MDN1: variants seen among roughly 807,000 people sequenced by gnomAD.
MDN1 encodes midasin AAA ATPase 1.
MDN1 carries 266 observed loss-of-function variants against 669.2 expected under a neutral mutation model. The observed-to-expected ratio is 0.40, with a 90% CI of 0.36 to 0.44. The LOEUF is 0.44. Ranked by LOEUF, MDN1 falls within the 20% of genes least tolerant of loss-of-function variation. The pLI, the probability that MDN1 is intolerant of heterozygous loss-of-function variation, is 1.00. For synonymous variants in MDN1, 2,385 were observed against 2,457.1 expected (o/e 0.97, Z 0.87); for missense variants, 5,940 against 6,754.0 (o/e 0.88, Z 4.22).
intron 11 of MDN1, among the ~76,000 whole-genome samples, chr6:89,779,044 T>C (rs1477656638): frequency 1.3e-5 from 2 of 151,922 alleles, no homozygotes. Context: ...TTTATTTAAA[T>C]CTCCAGGTTA....
intron 33 of MDN1, among the ~76,000 whole-genome samples, chr6:89,734,470 T>A (rs1237132509): frequency 6.6e-6 from 1 of 152,008 alleles, no homozygotes; most frequent in Non-Finnish European, 1.5e-5. Context: ...CTGGCCAATA[T>A]GGCAAAACCC....
intron 43 of MDN1, among the ~76,000 whole-genome samples, chr6:89,717,184 A>G (rs1378515691): frequency 6.6e-6 from 1 of 152,256 alleles, no homozygotes; most frequent in African/African-American, 2.4e-5. Context: ...TATAATGAGC[A>G]TATCATATGA....
Position 89,790,997 on chromosome 6 carries a change from G to A in MDN1, c.856-596C>T, listed in dbSNP as rs999833252. Among the ~76,000 whole-genome samples, 3 of 152,096 alleles carry A rather than the reference G, an allele frequency of 2.0e-5. No homozygotes were observed. The East Asian group carries it at 5.8e-4, about 29-fold the overall frequency. ...AAGATCGTGCCACTGCACTCCAGCT[G>A]GGCAACAAGAGTGAAACTCCGCCTC... On this transcript the variant is annotated intron_variant, in intron 5 of 101. Coordinates refer to ENST00000369393, the MANE Select transcript of MDN1 (RefSeq NM_014611.3).
rs569761548 is a variant in MDN1 at position 89,730,731 on chromosome 6, G to A, written c.5135C>T (p.Pro1712Leu). 15 of 1,611,330 alleles carry A rather than the reference G, an allele frequency of 9.3e-6. No individual in the cohort carries two copies. In the South Asian group the frequency reaches 1.7e-4, roughly 18 times the overall value. ...TTTTTAAAAATCATTCTTACCCCTT[G>A]GTATAAAAAATGGATGAATTCCCCA... ...NLWGIHPFFIPRGPVLHRNNI... is the reference protein window; with the variant it reads ...NLWGIHPFFILRGPVLHRNNI... Residue 1712 changes from proline to leucine, a missense_variant, in exon 35 of 102, where the codon CCA becomes CTA. Around this residue, in one of 5 missense-constraint regions of MDN1, gnomAD observed 2,292 missense variants for 2,638.3 expected, o/e 0.87. Transcript: ENST00000369393.
intron 100 of MDN1, among the ~76,000 whole-genome samples, chr6:89,645,536 T>A (rs1234276313): frequency 6.6e-6 from 1 of 152,210 alleles, no homozygotes; most frequent in Non-Finnish European, 1.5e-5. Context: ...GAGAAGGGCA[T>A]TAGAAGAAAG....
In MDN1 at chr6:89,650,201, A is replaced by G. The variant is rs374572241; in HGVS notation, c.16032-3T>C. On this transcript the variant is annotated splice_polypyrimidine_tract_variant and splice_region_variant and intron_variant, in intron 96 of 101. Coordinates refer to ENST00000369393, the MANE Select transcript of MDN1 (RefSeq NM_014611.3). ...GTTTCCCAGTTCGATAGTCTCCTCTATTTATTCAAATGGGGGCAAAAATTA... is the reference window on the plus strand; with the variant it reads ...GTTTCCCAGTTCGATAGTCTCCTCTGTTTATTCAAATGGGGGCAAAAATTA... 13 of 1,605,002 alleles carry G rather than the reference A, an allele frequency of 8.1e-6. No homozygotes were observed. The highest frequency in any genetic ancestry group is 1.0e-5 in the Non-Finnish European group (12 of 1,175,908).
At chr6:89,771,483 G>T in intron 15 of MDN1, 78 bp downstream of exon 15, 1 of 1,281,966 alleles carries the variant, frequency 7.8e-7, no homozygotes, top group Non-Finnish European at 1.1e-6. Context: ...ACCTGTGGTT[G>T]TTAACACTAA....
Position 89,789,938 on chromosome 6 carries a change from T to C in MDN1, c.1099-27A>G, listed in dbSNP as rs774934524. ...TGCAGAAAGAAGATAAAGTAATTAC[T>C]GAAAAACCATACCTGTAGTGGCAAT... is the stretch of plus-strand genomic sequence containing the variant. On this transcript the variant is annotated intron_variant, in intron 6 of 101. Coordinates refer to ENST00000369393, the MANE Select transcript of MDN1 (RefSeq NM_014611.3). The C allele has an allele frequency of 5.6e-6, 9 of 1,605,674 alleles. No individual in the cohort carries two copies. In the South Asian group the frequency reaches 1.0e-4, roughly 18 times the overall value.
Position 89,794,562 on chromosome 6 carries a change from C to T in MDN1, c.554+15G>A. ...CCCCACACTAGAAGTGCAAAAAAGTCTAACAGCTACGCACCAGCGAACCAA... is the reference window on the plus strand; with the variant it reads ...CCCCACACTAGAAGTGCAAAAAAGTTTAACAGCTACGCACCAGCGAACCAA... On this transcript the variant is annotated intron_variant, in intron 3 of 101. Coordinates refer to ENST00000369393, the MANE Select transcript of MDN1 (RefSeq NM_014611.3). 6.2e-7 allele frequency: 1 copy of T among 1,611,696 alleles called. No homozygotes were observed. Among genetic ancestry groups the T allele is most frequent in the Non-Finnish European group, 8.5e-7 (1 of 1,179,318 alleles).
intron 2 of MDN1, among the ~76,000 whole-genome samples, chr6:89,798,670 T>G (rs1009508955): frequency 2.0e-5 from 3 of 152,254 alleles, no homozygotes; most frequent in African/African-American, 7.2e-5. Context: ...TAGTGATGAC[T>G]GCATATATTG....
At chr6:89,752,286 A>G (rs1299575290) in intron 22 of MDN1, among the ~76,000 whole-genome samples, 5 of 152,304 alleles carry the variant, frequency 3.3e-5, no homozygotes, top group African/African-American at 4.8e-5. Context: ...TTAAGTTTCT[A>G]TCACACCCTG....
chr6:89,680,228 G>A (rs1204333720), intron 74 of MDN1, among the ~76,000 whole-genome samples: 1 of 152,242 alleles, frequency 6.6e-6, no homozygotes, highest in Non-Finnish European at 1.5e-5. Context: ...GGATGGGGAT[G>A]AATCCTCCTC....
chr6:89,665,570 G>T (rs948894561), intron 84 of MDN1, among the ~76,000 whole-genome samples: 3 of 151,788 alleles, frequency 2.0e-5, no homozygotes, highest in Non-Finnish European at 2.9e-5. Flanking sequence ...AGCCAGGCGT[G>T]GTGGTGGGGG....
chr6:89,785,554 A>G (rs1193765959), intron 8 of MDN1, among the ~76,000 whole-genome samples: 2 of 152,198 alleles, frequency 1.3e-5, no homozygotes, highest in Non-Finnish European at 2.9e-5. Context: ...AAGAGAAAAA[A>G]GTAGAGAAGG....
chr6:89,735,981 T>C (rs1481315826), intron 33 of MDN1, among the ~76,000 whole-genome samples: 1 of 152,122 alleles, frequency 6.6e-6, no homozygotes, highest in African/African-American at 2.4e-5. Context: ...GATTGCACCA[T>C]AGCAAGACTG....
In MDN1 at chr6:89,692,983, C is replaced by G. The variant is rs150775665; in HGVS notation, c.10047G>C (p.Arg3349=). The change falls in exon 63 of 102, where the codon CGG becomes CGC. Residue 3349 remains arginine (R), a synonymous_variant. Transcript: ENST00000369393. ...CATCTATGTGGAGGGCCTGCAGAAG[C>G]CGTGTGAGCAGATCCTGAACAGCAG... is the stretch of plus-strand genomic sequence containing the variant. ...KAPAVQDLLT[R]LLQALHIDGP... 1.5e-4 allele frequency: 241 copies of G among 1,614,132 alleles called. No individual in the cohort carries two copies. Among genetic ancestry groups the G allele is most frequent in the Admixed American group, 2.5e-4 (15 of 60,022 alleles).
intron 5 of MDN1, among the ~76,000 whole-genome samples, chr6:89,790,885 T>C (rs1819233106): frequency 6.6e-6 from 1 of 152,052 alleles, no homozygotes; most frequent in South Asian, 2.1e-4. Context: ...TAGCTGGACA[T>C]GGTGGCATAT....
rs117641530 is a variant in MDN1 at position 89,685,680 on chromosome 6, A to G, written c.11719+147T>C. The G allele has an allele frequency of 4.9e-3, 4,273 of 867,282 alleles. 15 individuals carry two copies. The highest frequency in any genetic ancestry group is 6.6e-3 in the Non-Finnish European group (3,799 of 579,162). The allele number at this position is 867,282 out of a possible 1,614,324, so 53.7% of individuals were successfully genotyped here. A position where few individuals can be genotyped will look rare whatever the true frequency, so the allele number is the denominator to read the frequency against. Reference sequence around the variant, plus strand: ...CACCTCACTTTGAATGTTCTTCTCTATATCTAATGTGAATCGCATTAAACA... The same window carrying G: ...CACCTCACTTTGAATGTTCTTCTCTGTATCTAATGTGAATCGCATTAAACA... On this transcript the variant is annotated intron_variant, in intron 70 of 101. Transcript: ENST00000369393.
chr6:89,672,542 C>T lies in MDN1; in HGVS notation c.13630+5G>A. The stretch of plus-strand genomic sequence containing the variant: ...AAACTAATTTCTGCCTGATTTCAGA[C>T]ATACCATAATCTTCTTGTGGGCTTG... On this transcript the variant is annotated splice_donor_5th_base_variant and intron_variant, in intron 81 of 101. Transcript: ENST00000369393. The T allele has an allele frequency of 2.5e-6, 4 of 1,607,326 alleles. No homozygotes were observed. The highest frequency in any genetic ancestry group is 3.4e-6 in the Non-Finnish European group (4 of 1,177,738).
Sources: gnomAD v4.1 joint callset for allele counts (sites outside exome capture counted in the v4.1 genomes callset) on GRCh38, gnomAD v4.1.1 for gene constraint, gnomAD v4.1.1 regional missense constraint, MANE v1.5 for transcripts, NCBI Gene and HGNC (gene_info 2026-07-23, HGNC 2026-07-21) for gene names.